Variants in ZC3H12B observed in about 807,000 individuals in gnomAD.
ZC3H12B encodes probable ribonuclease ZC3H12B.
Under a neutral mutation model 43.9 loss-of-function variants are expected in ZC3H12B, and 7 were observed. That is an observed-to-expected ratio of 0.16 (90% CI 0.09 to 0.30). The LOEUF (loss-of-function observed/expected upper bound fraction) is 0.30. ZC3H12B is among the 10% of genes least tolerant of loss of function. The probability of loss-of-function intolerance (pLI) is 1.00; values close to 1 mark genes in which losing one functional copy is unlikely to be tolerated. For missense variants in ZC3H12B, 475 were observed against 670.2 expected, an observed-to-expected ratio of 0.71 and a Z score of 3.22; for synonymous variants, 222 against 241.7, an observed-to-expected ratio of 0.92 and a Z score of 0.76.
At chrX:65,085,425 A>T in the ZC3H12B span, among the ~76,000 whole-genome samples, 2 of 111,311 alleles carry the variant, frequency 1.8e-5, no homozygotes, top group African/African-American at 6.5e-5. Flanking sequence ...AATAAAAAAA[A>T]ATTCAAAAAT....
intron 1 of ZC3H12B, among the ~76,000 whole-genome samples, chrX:65,491,491 G>A (rs981297137): frequency 1.8e-5 from 2 of 110,597 alleles, no homozygotes; most frequent in Non-Finnish European, 3.8e-5. Flanking sequence ...AGGATCGCTT[G>A]AGCCCAGGAC....
chrX:65,168,497 CTT>C, the ZC3H12B span, among the ~76,000 whole-genome samples: 1 of 102,684 alleles, frequency 9.7e-6, no homozygotes, highest in African/African-American at 3.5e-5. Flanking sequence ...CTAAAATTCT[CTT>C]TTTTTTTTTG....
the ZC3H12B span, among the ~76,000 whole-genome samples, chrX:65,088,598 C>T: frequency 8.9e-6 from 1 of 111,948 alleles, no homozygotes; most frequent in African/African-American, 3.2e-5. Context: ...TTGGAAAAAA[C>T]ATAACCTCAC....
chrX:65,387,375 T>C (rs2066542802), intron 2 of ZC3H12B, among the ~76,000 whole-genome samples: 1 of 112,201 alleles, frequency 8.9e-6, no homozygotes, highest in African/African-American at 3.2e-5. Flanking sequence ...CTTGTGGAAC[T>C]GATCCCTTTA....
chrX:65,424,480 AT>A (rs750294105), intron 3 of ZC3H12B, among the ~76,000 whole-genome samples: 289 of 112,195 alleles, frequency 2.6e-3, no homozygotes, highest in African/African-American at 8.4e-3. Context: ...ATTAGATCCC[AT>A]TTGTCAATTT....
At chrX:65,097,200 G>T in the ZC3H12B span, among the ~76,000 whole-genome samples, 1 of 111,636 alleles carries the variant, frequency 9.0e-6, no homozygotes, top group Non-Finnish European at 1.9e-5. Flanking sequence ...TAACTTTGGG[G>T]CATCTTGAAA....
exon 5 of ZC3H12B, chrX:65,503,648 ACT>A (rs751693450): frequency 9.4e-6 from 1 of 105,848 alleles, no homozygotes; most frequent in African/African-American, 3.8e-5. Flanking sequence ...ACAGAATCTC[ACT>A]CTGTTACACA....
At chrX:65,179,365 C>T in the ZC3H12B span, among the ~76,000 whole-genome samples, 1 of 108,123 alleles carries the variant, frequency 9.2e-6, no homozygotes, top group Non-Finnish European at 1.9e-5. Flanking sequence ...ATGTAACAAA[C>T]CTGCATGTTC....
chrX:65,391,740 T>C (rs939680297), intron 2 of ZC3H12B, among the ~76,000 whole-genome samples: 2 of 110,917 alleles, frequency 1.8e-5, no homozygotes, highest in African/African-American at 6.6e-5. Flanking sequence ...TCCCTCTCCC[T>C]CTCCCTCCTC....
At chrX:65,175,713 G>T in the ZC3H12B span, among the ~76,000 whole-genome samples, 1 of 111,933 alleles carries the variant, frequency 8.9e-6, no homozygotes, top group African/African-American at 3.2e-5. Flanking sequence ...TGCACAGTGA[G>T]TGCAGCTCAC....
chrX:65,118,203 G>A, the ZC3H12B span, among the ~76,000 whole-genome samples: 1 of 111,957 alleles, frequency 8.9e-6, no homozygotes, highest in Non-Finnish European at 1.9e-5. Flanking sequence ...AGCATGGAAT[G>A]TTCTTCCATT....
the ZC3H12B span, among the ~76,000 whole-genome samples, chrX:65,344,401 C>T: frequency 9.0e-6 from 1 of 111,415 alleles, no homozygotes; most frequent in African/African-American, 3.3e-5. Flanking sequence ...GAATGGAGAT[C>T]CCAGAAATAA....
At chrX:65,171,807 G>A in the ZC3H12B span, among the ~76,000 whole-genome samples, 1 of 111,367 alleles carries the variant, frequency 9.0e-6, no homozygotes, top group African/African-American at 3.3e-5. Context: ...TGCTAGCAAC[G>A]AGTGAGGCTC....
the ZC3H12B span, among the ~76,000 whole-genome samples, chrX:65,104,994 G>A: frequency 3.6e-5 from 4 of 111,654 alleles, no homozygotes; most frequent in African/African-American, 1.3e-4. Flanking sequence ...GGAAAGACTT[G>A]GAGCCAACCC....
chrX:65,282,818 G>A, the ZC3H12B span, among the ~76,000 whole-genome samples: 1 of 111,761 alleles, frequency 8.9e-6, no homozygotes, highest in South Asian at 3.8e-4. Context: ...CTCTGAAATT[G>A]AGGCAATAAC....
chrX:65,132,814 G>A, the ZC3H12B span, among the ~76,000 whole-genome samples: 1 of 110,980 alleles, frequency 9.0e-6, no homozygotes, highest in African/African-American at 3.3e-5. Context: ...ATTAAGAAGG[G>A]GACGGACTTA....
At chrX:65,399,654 A>G (rs2066740823) in intron 3 of ZC3H12B, among the ~76,000 whole-genome samples, 1 of 112,278 alleles carries the variant, frequency 8.9e-6, no homozygotes, top group Non-Finnish European at 1.9e-5. Context: ...TAGAACTACC[A>G]TATGTTCCAG....
At chrX:65,181,163 TATTTA>T in the ZC3H12B span, among the ~76,000 whole-genome samples, 1 of 111,997 alleles carries the variant, frequency 8.9e-6, no homozygotes, top group Non-Finnish European at 1.9e-5. Flanking sequence ...AAGGATTTTC[TATTTA>T]ATTAATGGTG....
chrX:65,452,023 A>C (rs2067521543), intron 3 of ZC3H12B, among the ~76,000 whole-genome samples: 1 of 111,733 alleles, frequency 8.9e-6, no homozygotes, highest in African/African-American at 3.3e-5. Flanking sequence ...GAGATTTCAA[A>C]GTAAATCTTG....
Sources: allele counts gnomAD v4.1 joint callset (sites outside exome capture counted in the v4.1 genomes callset), GRCh38; gene constraint gnomAD v4.1.1; transcripts MANE v1.5; gene names NCBI Gene and HGNC (gene_info 2026-07-23, HGNC 2026-07-21).